Variants in CLIC4 observed in about 807,000 individuals in gnomAD.
CLIC4 encodes the protein chloride intracellular channel protein 4.
In CLIC4, 13 loss-of-function variants were observed where a neutral mutation model predicts 24.6. The observed-to-expected ratio is 0.53, with a 90% CI of 0.34 to 0.84. The LOEUF is 0.84. Ranked by LOEUF, CLIC4 falls within the 40% of genes least tolerant of loss-of-function variation. The pLI is 0.01. For synonymous variants in CLIC4, 104 were observed against 111.3 expected (o/e 0.93, Z 0.41); for missense variants, 227 against 301.7 (o/e 0.75, Z 1.83).
At chr1:24,758,504 C>G (rs1165627627) in intron 1 of CLIC4, among the ~76,000 whole-genome samples, 2 of 151,860 alleles carry the variant, frequency 1.3e-5, no homozygotes, top group South Asian at 4.2e-4. Flanking sequence ...GTCACCCAGG[C>G]TGGGGTGCAC....
intron 3 of CLIC4, among the ~76,000 whole-genome samples, chr1:24,821,173 A>T (rs879741379): frequency 6.6e-6 from 1 of 151,478 alleles, no homozygotes; most frequent in Non-Finnish European, 1.5e-5. Context: ...CGATACAGCA[A>T]GACCCTGTCT....
chr1:24,761,403 A>C (rs2124090162), intron 1 of CLIC4, among the ~76,000 whole-genome samples: 1 of 152,284 alleles, frequency 6.6e-6, no homozygotes, highest in East Asian at 1.9e-4. Context: ...TTTTCTGAGA[A>C]AATGACATGT....
At chr1:24,821,373 T>C (rs1401040748) in intron 3 of CLIC4, among the ~76,000 whole-genome samples, 1 of 152,212 alleles carries the variant, frequency 6.6e-6, no homozygotes, top group Admixed American at 6.5e-5. Context: ...TGCTTTTTTA[T>C]ATAAAAATTC....
intron 1 of CLIC4, among the ~76,000 whole-genome samples, chr1:24,781,295 C>A (rs576034021): frequency 8.2e-6 from 1 of 122,096 alleles, no homozygotes; most frequent in Non-Finnish European, 1.8e-5. Flanking sequence ...CCACCATGCC[C>A]GGCAAATTTT....
chr1:24,748,039 A>G (rs1638725581), intron 1 of CLIC4, among the ~76,000 whole-genome samples: 1 of 152,182 alleles, frequency 6.6e-6, no homozygotes, highest in South Asian at 2.1e-4. Flanking sequence ...AAAAAAAAAA[A>G]AAGATAAAGC....
chr1:24,748,823 G>GA (rs1171190127), intron 1 of CLIC4, among the ~76,000 whole-genome samples: 2 of 151,892 alleles, frequency 1.3e-5, no homozygotes, highest in East Asian at 1.9e-4. Context: ...TTTGAAAGGG[G>GA]AAAAAAGGAC....
intron 1 of CLIC4, among the ~76,000 whole-genome samples, chr1:24,765,229 A>G (rs188687732): frequency 6.6e-6 from 1 of 152,358 alleles, no homozygotes; most frequent in East Asian, 1.9e-4. Context: ...TAATATATAC[A>G]TTTATGGAGT....
At chr1:24,784,310 TC>T (rs1249788350) in intron 1 of CLIC4, among the ~76,000 whole-genome samples, 1 of 152,196 alleles carries the variant, frequency 6.6e-6, no homozygotes, top group Non-Finnish European at 1.5e-5. Flanking sequence ...AGGTTATTAT[TC>T]CCATTTTATA....
chr1:24,785,841 C>T (rs562953676), intron 1 of CLIC4, among the ~76,000 whole-genome samples: 17 of 105,158 alleles, frequency 1.6e-4, no homozygotes, highest in Admixed American at 4.4e-4. Context: ...GGTGACAGAG[C>T]GAGACTACAA....
chr1:24,792,858 A>C (rs1639355653), intron 1 of CLIC4, among the ~76,000 whole-genome samples: 1 of 152,168 alleles, frequency 6.6e-6, no homozygotes, highest in Non-Finnish European at 1.5e-5. Context: ...GTCTTCATGA[A>C]CTGTTCCGTA....
At chr1:24,811,743 G>A (rs1031261300) in intron 2 of CLIC4, among the ~76,000 whole-genome samples, 11 of 152,158 alleles carry the variant, frequency 7.2e-5, no homozygotes, top group African/African-American at 2.4e-4. Context: ...GCCTCTCAAA[G>A]TGCTAATGTT....
chr1:24,776,853 A>G (rs1227515384), intron 1 of CLIC4, among the ~76,000 whole-genome samples: 1 of 152,150 alleles, frequency 6.6e-6, no homozygotes, highest in African/African-American at 2.4e-5. Context: ...CGGAGGTTGC[A>G]GTGAGCAAAG....
rs1305413317 is a variant in CLIC4, at chr1:24,843,549, C to G, written c.*2612C>G. The G allele has an allele frequency of 6.6e-6, 1 of 152,288 alleles. No individual in the cohort carries two copies. Among genetic ancestry groups the G allele is most frequent in the Middle Eastern group, 3.4e-3 (1 of 294 alleles). 9.4% of individuals were successfully genotyped at this position (152,288 alleles called of 1,614,324 possible). A position where few individuals can be genotyped will look rare whatever the true frequency, so the allele number is the denominator to read the frequency against. Reference sequence around the variant, plus strand: ...TTCAGCAGTTGGAAAGCTCTCTATTCTAGTTGATAAAACTTCCCTTTTTTG... The same window carrying G: ...TTCAGCAGTTGGAAAGCTCTCTATTGTAGTTGATAAAACTTCCCTTTTTTG... On this transcript the variant is annotated 3_prime_UTR_variant, in exon 6 of 6. Transcript: ENST00000374379.
chr1:24,817,366 C>A (rs1274360013), intron 3 of CLIC4, among the ~76,000 whole-genome samples: 1 of 152,100 alleles, frequency 6.6e-6, no homozygotes, highest in African/African-American at 2.4e-5. Flanking sequence ...TTTGCTGCTT[C>A]ATGTTTTACT....
intron 4 of CLIC4, among the ~76,000 whole-genome samples, chr1:24,830,596 A>G (rs1194170168): frequency 6.6e-6 from 1 of 152,176 alleles, no homozygotes; most frequent in Non-Finnish European, 1.5e-5. Context: ...ACCAGTTTAT[A>G]TTCCCACAAA....
intron 4 of CLIC4, among the ~76,000 whole-genome samples, chr1:24,837,667 C>A (rs60996352): frequency 0.031 from 4,787 of 152,226 alleles, 282 homozygotes; most frequent in African/African-American, 0.11. Context: ...AGCAACATAA[C>A]AAAAGGTAGT....
intron 1 of CLIC4, among the ~76,000 whole-genome samples, chr1:24,750,532 A>G (rs779698414): frequency 2.7e-5 from 4 of 149,632 alleles, no homozygotes; most frequent in Non-Finnish European, 4.4e-5. Context: ...CACCTGGCTA[A>G]TTTTGTATTT....
chr1:24,796,653 G>C (rs1344122109), intron 1 of CLIC4, among the ~76,000 whole-genome samples: 1 of 152,176 alleles, frequency 6.6e-6, no homozygotes, highest in Non-Finnish European at 1.5e-5. Context: ...TGTGTAGTAG[G>C]CTATCTCATC....
intron 1 of CLIC4, among the ~76,000 whole-genome samples, chr1:24,765,035 G>A (rs1638976721): frequency 1.3e-5 from 2 of 152,154 alleles, no homozygotes; most frequent in African/African-American, 4.8e-5. Flanking sequence ...TATCTTAGAT[G>A]GGATAATATT....
Sources: allele counts gnomAD v4.1 joint callset (sites outside exome capture counted in the v4.1 genomes callset), GRCh38; gene constraint gnomAD v4.1.1; transcripts MANE v1.5; gene names NCBI Gene and HGNC (gene_info 2026-07-23, HGNC 2026-07-21).